Variants in NAALADL2 observed in about 807,000 individuals in gnomAD.
NAALADL2 encodes the protein N-acetylated alpha-linked acidic dipeptidase like 2.
A neutral mutation model predicts 87.2 loss-of-function variants in NAALADL2; 76 were observed. The ratio of observed to expected loss-of-function variants is 0.87; its 90% CI spans 0.72 to 1.05. The LOEUF is 1.05. Among genes scored for constraint, NAALADL2 ranks in the 50% least tolerant of loss-of-function variants. The pLI is 0.00. For synonymous variants in NAALADL2, 354 were observed against 331.0 expected (o/e 1.07, Z -0.75); for missense variants, 1,089 against 945.8 (o/e 1.15, Z -1.99).
chr3:175,383,342 G>A (rs189180021), intron 5 of NAALADL2, among the ~76,000 whole-genome samples: 85 of 152,042 alleles, frequency 5.6e-4, no homozygotes, highest in Non-Finnish European at 9.7e-4. Context: ...ACAATATGAT[G>A]TTTTGATATA....
intron 3 of NAALADL2, among the ~76,000 whole-genome samples, chr3:175,248,591 T>A (rs2109735088): frequency 6.6e-6 from 1 of 152,250 alleles, no homozygotes; most frequent in Non-Finnish European, 1.5e-5. Context: ...ATTTCTCTGT[T>A]TGGATATATA....
At chr3:174,753,352 A>G (rs1191325061) in intron 3 of NAALADL2, among the ~76,000 whole-genome samples, 2 of 152,226 alleles carry the variant, frequency 1.3e-5, no homozygotes, top group African/African-American at 4.8e-5. Context: ...CTGGGATTAC[A>G]GGCATGAGCC....
chr3:175,379,426 A>G (rs758770762), intron 5 of NAALADL2, among the ~76,000 whole-genome samples: 7 of 152,000 alleles, frequency 4.6e-5, no homozygotes, highest in Non-Finnish European at 8.8e-5. Flanking sequence ...TTCTGGGTGG[A>G]AAGCTTTAGG....
intron 5 of NAALADL2, among the ~76,000 whole-genome samples, chr3:175,379,981 T>C (rs923613166): frequency 1.3e-5 from 2 of 151,944 alleles, no homozygotes; most frequent in Non-Finnish European, 2.9e-5. Context: ...TTCTCACTCA[T>C]AGGTGGGAAT....
intron 2 of NAALADL2, among the ~76,000 whole-genome samples, chr3:175,219,372 A>G (rs1487386857): frequency 2.0e-5 from 3 of 152,120 alleles, no homozygotes; most frequent in South Asian, 2.1e-4. Flanking sequence ...TCTTTTTGCC[A>G]TTTTAAAAAT....
intron 1 of NAALADL2, among the ~76,000 whole-genome samples, chr3:174,537,694 C>T (rs1382167202): frequency 6.6e-6 from 1 of 152,034 alleles, no homozygotes; most frequent in Non-Finnish European, 1.5e-5. Context: ...AGTGATATGG[C>T]AGTAGAATGT....
intron 3 of NAALADL2, among the ~76,000 whole-genome samples, chr3:174,802,290 G>A (rs1718938878): frequency 6.6e-6 from 1 of 151,558 alleles, no homozygotes; most frequent in Admixed American, 6.6e-5. Flanking sequence ...TTAAACAAAT[G>A]GCACAAAAAT....
chr3:175,144,881 G>C (rs944503179), intron 2 of NAALADL2, among the ~76,000 whole-genome samples: 3 of 151,582 alleles, frequency 2.0e-5, no homozygotes, highest in African/African-American at 7.3e-5. Context: ...ACAAGATTAC[G>C]GCATTTCAAA....
At chr3:175,090,198 C>A (rs1225256996) in intron 1 of NAALADL2, among the ~76,000 whole-genome samples, 1 of 151,996 alleles carries the variant, frequency 6.6e-6, no homozygotes, top group Non-Finnish European at 1.5e-5. Flanking sequence ...ATTATTTACA[C>A]ACCCCTGAGA....
At chr3:174,894,289 A>C (rs1461757956) in intron 1 of NAALADL2, among the ~76,000 whole-genome samples, 1 of 152,108 alleles carries the variant, frequency 6.6e-6, no homozygotes, top group Non-Finnish European at 1.5e-5. Context: ...CACTGGACAG[A>C]TCTTCCAGAT....
intron 5 of NAALADL2, among the ~76,000 whole-genome samples, chr3:175,343,655 G>T (rs1209266827): frequency 1.5e-3 from 95 of 64,638 alleles, no homozygotes; most frequent in South Asian, 7.5e-3. Context: ...TCTTGATCAT[G>T]TTTTTTTTTT....
intron 2 of NAALADL2, among the ~76,000 whole-genome samples, chr3:175,181,759 G>GTATATATGTT (rs1736576601): frequency 8.8e-6 from 1 of 113,040 alleles, no homozygotes. Flanking sequence ...ATATATGTGT[G>GTATATATGTT]TATATATGTG....
intron 3 of NAALADL2, among the ~76,000 whole-genome samples, chr3:174,754,933 T>C (rs1357585135): frequency 6.6e-6 from 1 of 152,170 alleles, no homozygotes; most frequent in African/African-American, 2.4e-5. Context: ...GTAAATACCT[T>C]TTTTAAGTTT....
chr3:175,561,830 C>T (rs993604314), intron 9 of NAALADL2, among the ~76,000 whole-genome samples: 13 of 152,310 alleles, frequency 8.5e-5, no homozygotes, highest in Admixed American at 7.8e-4. Context: ...GTCCATAGCA[C>T]TTTAAGTGAA....
At chr3:174,785,250 T>G (rs1193077239) in intron 3 of NAALADL2, among the ~76,000 whole-genome samples, 1 of 152,162 alleles carries the variant, frequency 6.6e-6, no homozygotes, top group African/African-American at 2.4e-5. Context: ...AATTTTTATT[T>G]AAGTTGGTGC....
intron 2 of NAALADL2, among the ~76,000 whole-genome samples, chr3:174,693,295 T>C (rs1393475290): frequency 6.6e-6 from 1 of 152,196 alleles, no homozygotes; most frequent in Non-Finnish European, 1.5e-5. Flanking sequence ...TCTTAATTCA[T>C]GTCAAACTTT....
At chr3:175,797,768 A>C (rs1279805707) in intron 13 of NAALADL2, among the ~76,000 whole-genome samples, 1 of 152,108 alleles carries the variant, frequency 6.6e-6, no homozygotes, top group Non-Finnish European at 1.5e-5. Flanking sequence ...ATGGGAATTC[A>C]AAGAGCTTTT....
At chr3:175,405,116 C>G (rs1006570773) in intron 5 of NAALADL2, among the ~76,000 whole-genome samples, 3 of 152,054 alleles carry the variant, frequency 2.0e-5, no homozygotes, top group African/African-American at 7.2e-5. Flanking sequence ...TCATTTTAAG[C>G]TGCACATGTC....
At chr3:174,747,673 A>AGGC (rs2109027099) in intron 3 of NAALADL2, among the ~76,000 whole-genome samples, 1 of 151,530 alleles carries the variant, frequency 6.6e-6, no homozygotes, top group South Asian at 2.1e-4. Flanking sequence ...CCTGCTGGTA[A>AGGC]GGCTGTGGAT....
Sources: allele counts gnomAD v4.1 joint callset (sites outside exome capture counted in the v4.1 genomes callset), GRCh38; gene constraint gnomAD v4.1.1; transcripts MANE v1.5; gene names NCBI Gene and HGNC (gene_info 2026-07-23, HGNC 2026-07-21).